The following ADGRB3 variants were observed in gnomAD, a reference collection of about 807,000 sequenced individuals.
ADGRB3 encodes adhesion G protein-coupled receptor B3.
Under a neutral mutation model 193.4 loss-of-function variants are expected in ADGRB3, and 37 were observed. The ratio of observed to expected loss-of-function variants is 0.19; its 90% CI spans 0.15 to 0.25. The LOEUF (loss-of-function observed/expected upper bound fraction) is 0.25. ADGRB3 is among the 10% of genes least tolerant of loss of function. The probability of loss-of-function intolerance (pLI) is 1.00; values close to 1 mark genes in which losing one functional copy is unlikely to be tolerated. For missense variants in ADGRB3, 1,637 were observed against 1,852.9 expected (o/e 0.88, Z 2.14); for synonymous variants, 690 against 644.2 (o/e 1.07, Z -1.08).
In ADGRB3 at chr6:68,726,717, AT is replaced by A. The variant is rs1313440102; in HGVS notation, c.757+87287del. ...GAGATCTGACATCCTGTTTTGTAAG[AT>A]TCTGGCCCTACATGTCTTTTTGTTA... is the stretch of plus-strand genomic sequence containing the variant. On this transcript the variant is annotated intron_variant, in intron 3 of 31. Transcript: ENST00000370598. Among the ~76,000 whole-genome samples, 6 of 151,804 alleles carry A rather than the reference AT, an allele frequency of 4.0e-5. No individual in the cohort carries two copies. In the East Asian group the frequency reaches 9.7e-4, roughly 25 times the overall value.
At chr6:68,856,361 T>C (rs937759253) in intron 3 of ADGRB3, among the ~76,000 whole-genome samples, 4 of 152,076 alleles carry the variant, frequency 2.6e-5, no homozygotes, top group Non-Finnish European at 4.4e-5. Flanking sequence ...TGAGAAGAGG[T>C]TGGAAAGTTT....
chr6:69,189,963 C>T (rs917231092), intron 17 of ADGRB3, among the ~76,000 whole-genome samples: 3 of 152,074 alleles, frequency 2.0e-5, no homozygotes, highest in African/African-American at 7.2e-5. Flanking sequence ...ATCATAACAT[C>T]CTAGTGCAAG....
At chr6:68,931,047 C>A (rs940290234) in intron 4 of ADGRB3, among the ~76,000 whole-genome samples, 4 of 151,814 alleles carry the variant, frequency 2.6e-5, no homozygotes, top group African/African-American at 9.7e-5. Context: ...TTTATTTTAA[C>A]AATATTGAAT....
In ADGRB3 at chr6:69,374,782, AT is replaced by A. The variant is rs932651690; in HGVS notation, c.4275+2348del. ...CCTAGTACCTAGTAAGCATTCAGTA[AT>A]TTTTTTAAAAGAATGGTGAAAAATT... On this transcript the variant is annotated intron_variant, in intron 30 of 31. Transcript: ENST00000370598. 2.6e-5 allele frequency among the ~76,000 whole-genome samples: 4 copies of A among 152,154 alleles called. No homozygotes were observed. In the East Asian group the frequency reaches 5.8e-4, roughly 22 times the overall value.
intron 26 of ADGRB3, among the ~76,000 whole-genome samples, chr6:69,352,793 C>T (rs1769254895): frequency 6.6e-6 from 1 of 152,114 alleles, no homozygotes; most frequent in Non-Finnish European, 1.5e-5. Context: ...GTTTTGTTTC[C>T]TGGCCAACAG....
At chr6:69,076,153 A>T (rs2150312673) in intron 17 of ADGRB3, 115 bp downstream of exon 17, 1 of 807,634 alleles carries the variant, frequency 1.2e-6, no homozygotes, top group South Asian at 1.6e-5. Context: ...TTGCATTCAG[A>T]GAAAAAAAAA....
rs531398143 is a variant in ADGRB3 at position 69,156,054 on chromosome 6, A to G, written c.2481-77236A>G. On this transcript the variant is annotated intron_variant, in intron 17 of 31. Coordinates refer to ENST00000370598, the MANE Select transcript of ADGRB3 (RefSeq NM_001704.3). Reference sequence around the variant, plus strand: ...TTACATATGCTCGTTAATTTAATTTAAAAATATTTAATTGAGAACCTAGTC... The same window carrying G: ...TTACATATGCTCGTTAATTTAATTTGAAAATATTTAATTGAGAACCTAGTC... Among the ~76,000 whole-genome samples, 3 of 152,296 alleles carry G rather than the reference A, an allele frequency of 2.0e-5. No individual in the cohort carries two copies. In the East Asian group the frequency reaches 5.8e-4, roughly 29 times the overall value.
At chr6:69,226,521 T>C (rs1333905518) in intron 17 of ADGRB3, among the ~76,000 whole-genome samples, 1 of 152,194 alleles carries the variant, frequency 6.6e-6, no homozygotes. Context: ...TGGGAAAGTA[T>C]ATAATACATC....
At chr6:69,318,094 C>T (rs1282148841) in intron 20 of ADGRB3, among the ~76,000 whole-genome samples, 8 of 150,978 alleles carry the variant, frequency 5.3e-5, no homozygotes, top group African/African-American at 1.5e-4. Flanking sequence ...GTATTGTTTT[C>T]GTGAGAAACT....
chr6:69,360,761 C>T (rs1769432434), intron 28 of ADGRB3, 108 bp from the exon 29 acceptor site: 6 of 1,152,210 alleles, frequency 5.2e-6, no homozygotes, highest in South Asian at 5.1e-5. Flanking sequence ...ACATACCTAC[C>T]AAATAATATA....
chr6:69,348,653 C>G lies in ADGRB3; in HGVS notation c.3460-5580C>G, dbSNP rs370539585. On this transcript the variant is annotated intron_variant, in intron 26 of 31. Coordinates refer to ENST00000370598, the MANE Select transcript of ADGRB3 (RefSeq NM_001704.3). Reference sequence around the variant, plus strand: ...CTCCAGCCTGCATGACAGAGCAAGACTCTGCCAAAAAAAAAAAAGAAGAAG... The same window carrying G: ...CTCCAGCCTGCATGACAGAGCAAGAGTCTGCCAAAAAAAAAAAAGAAGAAG... Among the ~76,000 whole-genome samples, 19 of 151,190 alleles carry G rather than the reference C, an allele frequency of 1.3e-4. 1 individual carries two copies. In the South Asian group the frequency reaches 3.7e-3, roughly 30 times the overall value.
chr6:68,925,951 C>T (rs949420316), intron 3 of ADGRB3, among the ~76,000 whole-genome samples: 2 of 151,936 alleles, frequency 1.3e-5, no homozygotes, highest in Non-Finnish European at 2.9e-5. Flanking sequence ...AGCAGTATTT[C>T]AATTATTTTA....
intron 15 of ADGRB3, among the ~76,000 whole-genome samples, chr6:69,049,915 T>C (rs1268831185): frequency 6.6e-6 from 1 of 152,210 alleles, no homozygotes; most frequent in Non-Finnish European, 1.5e-5. Context: ...CAAATAGTAA[T>C]TCTACCAAAA....
chr6:68,925,815 CT>C lies in ADGRB3; in HGVS notation c.758-4741del, dbSNP rs1490636825. 2.6e-5 allele frequency among the ~76,000 whole-genome samples: 4 copies of C among 151,966 alleles called. No homozygotes were observed. The East Asian group carries it at 5.8e-4, about 22-fold the overall frequency. ...ATAATGGATTTCCTTGAACTATGAG[CT>C]TTAGAATATCAGAAGCCATTTCTGA... On this transcript the variant is annotated intron_variant, in intron 3 of 31. Transcript: ENST00000370598.
chr6:68,991,921 A>G (rs1487248211), intron 10 of ADGRB3, among the ~76,000 whole-genome samples: 2 of 152,180 alleles, frequency 1.3e-5, no homozygotes, highest in Non-Finnish European at 2.9e-5. Flanking sequence ...AAGTTGAAAC[A>G]CAAACCTAGG....
chr6:68,733,598 G>A (rs996823396), intron 3 of ADGRB3, among the ~76,000 whole-genome samples: 1 of 151,662 alleles, frequency 6.6e-6, no homozygotes, highest in Non-Finnish European at 1.5e-5. Context: ...ATATAACCAT[G>A]TAACAAATCT....
intron 11 of ADGRB3, among the ~76,000 whole-genome samples, 158 bp downstream of exon 11, chr6:68,994,120 T>C (rs1769318731): frequency 6.6e-6 from 1 of 152,134 alleles, no homozygotes. Flanking sequence ...TCAGTTCCCT[T>C]AGTCATTCTC....
intron 18 of ADGRB3, among the ~76,000 whole-genome samples, chr6:69,234,517 A>G (rs2127257900): frequency 6.6e-6 from 1 of 152,286 alleles, no homozygotes; most frequent in East Asian, 1.9e-4. Flanking sequence ...AAATGTGAGA[A>G]TACTTGACTT....
At chr6:69,040,442 G>T (rs1771020767) in intron 13 of ADGRB3, among the ~76,000 whole-genome samples, 1 of 147,602 alleles carries the variant, frequency 6.8e-6, no homozygotes, top group South Asian at 2.2e-4. Context: ...TTCACAATAT[G>T]TAAGTGAATA....
Sources: allele counts gnomAD v4.1 joint callset (sites outside exome capture counted in the v4.1 genomes callset), GRCh38; gene constraint gnomAD v4.1.1; transcripts MANE v1.5; gene names NCBI Gene and HGNC (gene_info 2026-07-23, HGNC 2026-07-21).